TRHR: variants seen among roughly 807,000 people sequenced by gnomAD.
The protein encoded by TRHR is thyrotropin-releasing hormone receptor.
TRHR carries 14 observed loss-of-function variants against 28.0 expected under a neutral mutation model. The ratio of observed to expected loss-of-function variants is 0.50; its 90% confidence interval spans 0.33 to 0.78. The LOEUF is 0.78. Among genes scored for constraint, TRHR ranks in the 30% least tolerant of loss-of-function variants. The pLI is 0.02. For synonymous variants in TRHR, 176 were observed against 171.9 expected, an observed-to-expected ratio of 1.02 and a Z score of -0.18; for missense variants, 438 against 469.5, an observed-to-expected ratio of 0.93 and a Z score of 0.62.
In TRHR at chr8:109,120,157, T is replaced by G. The variant is rs1260390348; in HGVS notation, c.*702T>G. 6.6e-6 allele frequency among the ~76,000 whole-genome samples: 1 copy of G among 151,824 alleles called. No individual in the cohort carries two copies. The highest frequency in any genetic ancestry group is 2.4e-5 in the African/African-American group (1 of 41,380). ...ATGTAGATTTTAAGATAAATCCAAC[T>G]CTTATCAACTCTTCCAGCCTCCCAC... On this transcript the variant is annotated 3_prime_UTR_variant, in exon 3 of 3. Coordinates refer to ENST00000518632, the MANE Select transcript of TRHR (RefSeq NM_003301.7).
intron 1 of TRHR, 147 bp from the exon 2 acceptor site, chr8:109,087,278 A>G: frequency 1.7e-6 from 1 of 586,226 alleles, no homozygotes; most frequent in South Asian, 2.0e-5. Context: ...CTAGAGATGC[A>G]ATAAAAGAAG....
rs535227642 is a variant in TRHR at position 109,101,962 on chromosome 8, A to C, written c.789+13661A>C. 2.4e-4 allele frequency among the ~76,000 whole-genome samples: 37 copies of C among 152,262 alleles called. No homozygotes were observed. In the South Asian group the frequency reaches 7.0e-3, roughly 29 times the overall value. On this transcript the variant is annotated intron_variant, in intron 2 of 2. Coordinates refer to ENST00000518632, the MANE Select transcript of TRHR (RefSeq NM_003301.7). The stretch of plus-strand genomic sequence containing the variant: ...GAATATTCAGAGAGGGAAGAGGAAA[A>C]CCAGGAGAAAGAATCACAGAAATCA...
At chr8:109,117,430 A>C (rs1165955093) in intron 2 of TRHR, among the ~76,000 whole-genome samples, 2 of 151,880 alleles carry the variant, frequency 1.3e-5, no homozygotes, top group Non-Finnish European at 2.9e-5. Context: ...TTTATATGGC[A>C]TTTTTCAGAT....
intron 2 of TRHR, among the ~76,000 whole-genome samples, chr8:109,098,025 C>T (rs1811620133): frequency 6.6e-6 from 1 of 152,318 alleles, no homozygotes; most frequent in African/African-American, 2.4e-5. Context: ...TATTTTATGA[C>T]CGCAGTTCCA....
intron 2 of TRHR, among the ~76,000 whole-genome samples, chr8:109,107,124 G>A (rs566541028): frequency 3.3e-5 from 5 of 152,130 alleles, no homozygotes; most frequent in Admixed American, 3.3e-4. Context: ...TCAGAAATAC[G>A]ATAAAAGTTA....
chr8:109,095,254 C>T (rs572969079), intron 2 of TRHR, among the ~76,000 whole-genome samples: 2 of 152,134 alleles, frequency 1.3e-5, no homozygotes, highest in South Asian at 4.2e-4. Context: ...GAGCATACCA[C>T]TACATTCTAT....
intron 1 of TRHR, 39 bp from the exon 2 acceptor site, chr8:109,087,379 AGAAATTG>A: frequency 2.1e-6 from 2 of 973,252 alleles, no homozygotes; most frequent in South Asian, 2.8e-5. Flanking sequence ...GGACTTGATC[AGAAATTG>A]TAACACTGTT....
In TRHR at chr8:109,120,495, G is replaced by A. The variant is rs1811992054; in HGVS notation, c.*1040G>A. Among the ~76,000 whole-genome samples, 1 of 151,624 alleles carries A rather than the reference G, an allele frequency of 6.6e-6. No individual in the cohort carries two copies. The highest frequency in any genetic ancestry group is 6.6e-5 in the Admixed American group (1 of 15,158). Reference sequence around the variant, plus strand: ...AGATAAAGAGCTCCCACTGAGAATTGTAGTCTATGGATTTTACCTTGACTG... The same window carrying A: ...AGATAAAGAGCTCCCACTGAGAATTATAGTCTATGGATTTTACCTTGACTG... On this transcript the variant is annotated 3_prime_UTR_variant, in exon 3 of 3. Coordinates refer to ENST00000518632, the MANE Select transcript of TRHR (RefSeq NM_003301.7).
intron 2 of TRHR, among the ~76,000 whole-genome samples, chr8:109,114,326 T>A (rs1019077531): frequency 2.0e-5 from 3 of 152,044 alleles, no homozygotes; most frequent in Non-Finnish European, 1.5e-5. Flanking sequence ...ATTTTTGCAA[T>A]CTCTTTTGAT....
At chr8:109,087,374 T>G in intron 1 of TRHR, 51 bp from the exon 2 acceptor site, 1 of 922,618 alleles carries the variant, frequency 1.1e-6, no homozygotes, top group Non-Finnish European at 1.7e-6. Flanking sequence ...GATTGGGACT[T>G]GATCAGAAAT....
In TRHR at chr8:109,119,546, A is replaced by G. The variant is rs1586198457; in HGVS notation, c.*91A>G. On this transcript the variant is annotated 3_prime_UTR_variant, in exon 3 of 3. Transcript: ENST00000518632. Reference sequence around the variant, plus strand: ...AGAACATGGCCAATAGTCATATGTGAAGACAGAGCAGATCAGTCTTTGTCA... The same window carrying G: ...AGAACATGGCCAATAGTCATATGTGGAGACAGAGCAGATCAGTCTTTGTCA... 1 of 1,463,048 alleles carries G rather than the reference A, an allele frequency of 6.8e-7. No homozygotes were observed. The highest frequency in any genetic ancestry group is 2.3e-5 in the East Asian group (1 of 43,188). 90.6% of individuals were successfully genotyped at this position (1,463,048 alleles called of 1,614,324 possible). A position where few individuals can be genotyped will look rare whatever the true frequency, so the allele number is the denominator to read the frequency against.
intron 2 of TRHR, among the ~76,000 whole-genome samples, chr8:109,112,698 T>C (rs369011795): frequency 6.6e-6 from 1 of 152,158 alleles, no homozygotes. Flanking sequence ...ATAAGCAATA[T>C]TTACAGTGAT....
At position 109,088,562 on chromosome 8, in the gene TRHR, A is replaced by T. The variant is rs115076823; in HGVS notation, c.789+261A>T. Among the ~76,000 whole-genome samples the T allele has an allele frequency of 3.6e-3, 541 of 152,204 alleles. 5 individuals are homozygous for T. Among genetic ancestry groups the T allele is most frequent in the African/African-American group, 0.012 (488 of 41,532 alleles). On this transcript the variant is annotated intron_variant, in intron 2 of 2. Coordinates refer to ENST00000518632, the MANE Select transcript of TRHR (RefSeq NM_003301.7). Reference sequence around the variant, plus strand: ...AAGATACAAAGAAATATAAACAGAAACTCTAGAAATTCACCTTTAATATGT... The same window carrying T: ...AAGATACAAAGAAATATAAACAGAATCTCTAGAAATTCACCTTTAATATGT...
intron 2 of TRHR, among the ~76,000 whole-genome samples, chr8:109,110,605 G>A (rs577002732): frequency 2.6e-5 from 4 of 152,104 alleles, no homozygotes; most frequent in South Asian, 2.1e-4. Flanking sequence ...CTTGACAAGC[G>A]AAGTCAAGAA....
At position 109,096,554 on chromosome 8, in the gene TRHR, T is replaced by A. The variant is rs1010325547; in HGVS notation, c.789+8253T>A. ...CCCAAAGTGTACACACTCAGTGGTG[T>A]GTAGCTGCCAAGGAGTACAGGCTTT... On this transcript the variant is annotated intron_variant, in intron 2 of 2. Transcript: ENST00000518632. 5.9e-5 allele frequency among the ~76,000 whole-genome samples: 9 copies of A among 152,324 alleles called. No individual in the cohort carries two copies. The East Asian group carries it at 1.7e-3, about 29-fold the overall frequency.
At chr8:109,092,949 T>G (rs1811537932) in intron 2 of TRHR, among the ~76,000 whole-genome samples, 2 of 152,088 alleles carry the variant, frequency 1.3e-5, no homozygotes, top group African/African-American at 4.8e-5. Flanking sequence ...GATCTTTTTT[T>G]TTTTTAAACA....
chr8:109,109,170 CT>C (rs1811792675), intron 2 of TRHR, among the ~76,000 whole-genome samples: 1 of 152,104 alleles, frequency 6.6e-6, no homozygotes, highest in African/African-American at 2.4e-5. Context: ...TTCATTCTCC[CT>C]GCTCCCCTCC....
chr8:109,115,120 G>A (rs1238741262), intron 2 of TRHR, among the ~76,000 whole-genome samples: 1 of 152,118 alleles, frequency 6.6e-6, no homozygotes, highest in Non-Finnish European at 1.5e-5. Context: ...TGATCAGATA[G>A]TTGTAGATAT....
chr8:109,092,657 T>G (rs569611105), intron 2 of TRHR, among the ~76,000 whole-genome samples: 3 of 152,198 alleles, frequency 2.0e-5, no homozygotes, highest in African/African-American at 7.2e-5. Flanking sequence ...CAGACTGGTC[T>G]TGAACTCCTG....
Sources: allele counts gnomAD v4.1 joint callset (sites outside exome capture counted in the v4.1 genomes callset), GRCh38; gene constraint gnomAD v4.1.1; transcripts MANE v1.5; gene names NCBI Gene and HGNC (gene_info 2026-07-23, HGNC 2026-07-21).